The following ATRNL1 variants were observed in gnomAD, a reference collection of about 807,000 sequenced individuals.
ATRNL1 encodes attractin-like protein 1.
A neutral mutation model predicts 182.7 loss-of-function variants in ATRNL1; 95 were observed. The observed-to-expected ratio is 0.52, with a 90% CI of 0.44 to 0.62. The LOEUF (loss-of-function observed/expected upper bound fraction) is 0.62. ATRNL1 is among the 20% of genes least tolerant of loss of function. ATRNL1 has a pLI of 0.00. For synonymous variants in ATRNL1, 576 were observed against 568.3 expected (o/e 1.01, Z -0.19); for missense variants, 1,471 against 1,679.5 (o/e 0.88, Z 2.17).
intron 9 of ATRNL1, among the ~76,000 whole-genome samples, chr10:115,221,487 T>A (rs144840900): frequency 6.1e-4 from 93 of 152,292 alleles, no homozygotes; most frequent in African/African-American, 2.1e-3. Context: ...GGACTGTTAC[T>A]TCCCCTGAGA....
chr10:115,535,021 C>G (rs1172690039), intron 25 of ATRNL1, among the ~76,000 whole-genome samples: 8 of 152,044 alleles, frequency 5.3e-5, no homozygotes, highest in Non-Finnish European at 1.2e-4. Context: ...CCCGACCTTT[C>G]TCTCTGGCTG....
At chr10:115,412,619 A>C (rs1554960155) in intron 20 of ATRNL1, among the ~76,000 whole-genome samples, 1 of 152,208 alleles carries the variant, frequency 6.6e-6, no homozygotes, top group Non-Finnish European at 1.5e-5. Flanking sequence ...TTTTTGTAAT[A>C]TATTCCTTAA....
chr10:115,859,996 G>C (rs1247817246), intron 28 of ATRNL1, among the ~76,000 whole-genome samples: 1 of 152,120 alleles, frequency 6.6e-6, no homozygotes, highest in South Asian at 2.1e-4. Context: ...AATGAGCATA[G>C]CCCATGCAAG....
At chr10:115,116,922 G>A (rs1554870126) in intron 1 of ATRNL1, among the ~76,000 whole-genome samples, 1 of 152,030 alleles carries the variant, frequency 6.6e-6, no homozygotes, top group East Asian at 1.9e-4. Context: ...GGACGGGACA[G>A]GGTGTGTAGT....
chr10:115,498,360 C>G (rs1406600684), intron 24 of ATRNL1, among the ~76,000 whole-genome samples: 1 of 152,000 alleles, frequency 6.6e-6, no homozygotes, highest in East Asian at 1.9e-4. Context: ...ATTGGATAAT[C>G]ATAAGATTTC....
At chr10:115,320,072 T>C (rs1398413398) in intron 18 of ATRNL1, among the ~76,000 whole-genome samples, 3 of 152,184 alleles carry the variant, frequency 2.0e-5, no homozygotes, top group African/African-American at 7.2e-5. Flanking sequence ...TTAGGATCTC[T>C]TGCAAGGCAG....
chr10:115,928,794 G>A (rs566623497), intron 28 of ATRNL1, among the ~76,000 whole-genome samples: 1 of 151,986 alleles, frequency 6.6e-6, no homozygotes, highest in South Asian at 2.1e-4. Context: ...CAACTTCTTG[G>A]TTCATAGGAC....
chr10:115,918,395 G>A (rs1211973407), intron 28 of ATRNL1, among the ~76,000 whole-genome samples: 4 of 152,068 alleles, frequency 2.6e-5, no homozygotes, highest in African/African-American at 9.7e-5. Context: ...GAGCCACCGC[G>A]TCCGGCCTTT....
At chr10:115,737,788 C>G (rs1189750225) in intron 27 of ATRNL1, among the ~76,000 whole-genome samples, 1 of 152,152 alleles carries the variant, frequency 6.6e-6, no homozygotes, top group Non-Finnish European at 1.5e-5. Context: ...TTCTAAGCCT[C>G]TTGGGGACCA....
At position 115,585,236 on chromosome 10, in the gene ATRNL1, G is replaced by A. The variant is rs1401486714; in HGVS notation, c.3795+35700G>A. On this transcript the variant is annotated intron_variant, in intron 26 of 28. Transcript: ENST00000355044. ...AAAACGTATATTCTGTTGATTTGGG[G>A]TGGAGAGTTCTGTAGATGTCTATTA... Among the ~76,000 whole-genome samples, 24 of 70,956 alleles carry A rather than the reference G, an allele frequency of 3.4e-4. 1 individual carries two copies. In the East Asian group the frequency reaches 4.9e-3, roughly 15 times the overall value. 46.5% of individuals were successfully genotyped at this position (70,956 alleles called of 152,430 possible). A position where few individuals can be genotyped will look rare whatever the true frequency, so the allele number is the denominator to read the frequency against.
In ATRNL1 at chr10:115,172,841, G is replaced by GT. The variant is rs35287042; in HGVS notation, c.1348+1562dup. 3.2e-3 allele frequency among the ~76,000 whole-genome samples: 459 copies of GT among 142,574 alleles called. 4 individuals carry two copies. The highest frequency in any genetic ancestry group is 0.026 in the South Asian group (118 of 4,500). The allele number at this position is 142,574 out of a possible 152,430, so 93.5% of individuals were successfully genotyped here. Reference sequence around the variant, plus strand: ...ATTTCATAATTACTGTTCTCAAGTTGTTTTTTTTTTTTTATGATATCCGGT... The same window carrying GT: ...ATTTCATAATTACTGTTCTCAAGTTGTTTTTTTTTTTTTTATGATATCCGGT... On this transcript the variant is annotated intron_variant, in intron 8 of 28. Coordinates refer to ENST00000355044, the MANE Select transcript of ATRNL1 (RefSeq NM_207303.4).
At chr10:115,388,650 A>G (rs1477528430) in intron 19 of ATRNL1, among the ~76,000 whole-genome samples, 2 of 151,912 alleles carry the variant, frequency 1.3e-5, no homozygotes, top group East Asian at 3.8e-4. Flanking sequence ...TTTATGTTAT[A>G]TATACACATT....
intron 27 of ATRNL1, among the ~76,000 whole-genome samples, chr10:115,798,271 T>C (rs782402459): frequency 6.6e-6 from 1 of 152,096 alleles, no homozygotes; most frequent in East Asian, 1.9e-4. Context: ...ACATCACTAA[T>C]CTTGTTTCTG....
At chr10:115,102,096 G>A (rs1554864703) in intron 1 of ATRNL1, among the ~76,000 whole-genome samples, 1 of 152,170 alleles carries the variant, frequency 6.6e-6, no homozygotes, top group East Asian at 1.9e-4. Context: ...CTTATTGAGA[G>A]AAGGGTATCT....
rs1852358294 is a variant in ATRNL1 at position 115,281,453 on chromosome 10, G to A, written c.2199G>A (p.Trp733Ter). 3 of 1,613,178 alleles carry A rather than the reference G, an allele frequency of 1.9e-6. No individual in the cohort carries two copies. The highest frequency in any genetic ancestry group is 1.3e-5 in the African/African-American group (1 of 74,846). Residue 733 changes from tryptophan (W) to a stop codon, truncating the protein, a stop_gained, in exon 14 of 29, where the codon TGG becomes TGA. Coordinates refer to ENST00000355044, the MANE Select transcript of ATRNL1 (RefSeq NM_207303.4). LOFTEE classifies it high-confidence loss of function. ...GTTCACTAAACTTGAATTGCCAGTG[G>A]GATCAGAGACAGCAAGAATGCCAGG... ...KSCSLNLNCQ[W>*]DQRQQECQAL... is the part of the protein sequence containing the mutation.
intron 18 of ATRNL1, among the ~76,000 whole-genome samples, chr10:115,317,545 T>C (rs879957648): frequency 2.0e-5 from 3 of 152,204 alleles, no homozygotes; most frequent in African/African-American, 7.2e-5. Flanking sequence ...TTTCCAGTTG[T>C]TTATGTCCTG....
intron 26 of ATRNL1, among the ~76,000 whole-genome samples, chr10:115,628,743 T>A (rs1858281927): frequency 6.6e-6 from 1 of 152,174 alleles, no homozygotes; most frequent in African/African-American, 2.4e-5. Flanking sequence ...TTTGAGGTAA[T>A]TTTTCTATGT....
At chr10:115,159,713 T>C (rs1210598266) in intron 5 of ATRNL1, among the ~76,000 whole-genome samples, 4 of 151,628 alleles carry the variant, frequency 2.6e-5, no homozygotes, top group Non-Finnish European at 5.9e-5. Context: ...CTGACAGAAC[T>C]GATATTTGAG....
Position 115,341,795 on chromosome 10 carries a change from C to T in ATRNL1, c.3175+7376C>T, listed in dbSNP as rs370216881. ...CTTCTTTGTCTATTCTTTTGTTTTT[C>T]GTCTTGAAATCTGTTTTGTTTGATG... is the stretch of plus-strand genomic sequence containing the variant. On this transcript the variant is annotated intron_variant, in intron 19 of 28. Transcript: ENST00000355044. Among the ~76,000 whole-genome samples the T allele has an allele frequency of 7.0e-4, 106 of 151,952 alleles. 2 individuals are homozygous for T. The South Asian group carries it at 0.021, about 30-fold the overall frequency.
Sources: gnomAD v4.1 joint callset for allele counts (sites outside exome capture counted in the v4.1 genomes callset) on GRCh38, gnomAD v4.1.1 for gene constraint, MANE v1.5 for transcripts, NCBI Gene and HGNC (gene_info 2026-07-23, HGNC 2026-07-21) for gene names.